The following ADAM32 variants were observed in gnomAD, a reference collection of about 807,000 sequenced individuals.
The protein encoded by ADAM32 is ADAM metallopeptidase domain 32, also known as disintegrin and metalloproteinase domain-containing protein 32.
Under a neutral mutation model 114.9 loss-of-function variants are expected in ADAM32, and 89 were observed. The ratio of observed to expected loss-of-function variants is 0.77; its 90% CI spans 0.65 to 0.92. The LOEUF (loss-of-function observed/expected upper bound fraction) is 0.92, where lower values mean the gene tolerates loss of function less well. ADAM32 is among the 40% of genes least tolerant of loss of function. ADAM32 has a pLI of 0.00. For missense variants in ADAM32, 870 were observed against 932.8 expected (o/e 0.93, Z 0.88); for synonymous variants, 285 against 307.5 (o/e 0.93, Z 0.77).
In ADAM32 at chr8:39,214,529, C is replaced by A. The variant is rs779515509; in HGVS notation, c.1233+3205C>A. ...TCAGACATTTTGCCCACCTTTAAAT[C>A]AGATTATTAGATTTTTTCCTATAGA... On this transcript the variant is annotated intron_variant, in intron 12 of 24. Transcript: ENST00000379907. 2.5e-4 allele frequency among the ~76,000 whole-genome samples: 38 copies of A among 152,046 alleles called. 1 individual carries two copies. The highest frequency in any genetic ancestry group is 1.9e-3 in the South Asian group (9 of 4,820).
At chr8:39,156,553 T>C (rs2129445787) in intron 6 of ADAM32, among the ~76,000 whole-genome samples, 1 of 152,348 alleles carries the variant, frequency 6.6e-6, no homozygotes, top group South Asian at 2.1e-4. Flanking sequence ...ACTGAAGGAC[T>C]ACCTTTGGCA....
rs777909814 is a variant in ADAM32, at chr8:39,274,321, A to G, written c.2211A>G (p.Ser737=). Residue 737 remains serine (S), a synonymous_variant, in exon 21 of 25, where the codon TCA becomes TCG. Transcript: ENST00000379907. ...STQTYASQSS[S]EGSTQTYASQ... is the part of the protein sequence containing the mutation. ...TTCAATTTTTTTTTAGATCCAGCTC[A>G]GAAGGCAGCACTCAGACATATGCCA... The G allele has an allele frequency of 9.9e-6, 16 of 1,613,396 alleles. No homozygotes were observed. Among genetic ancestry groups the G allele is most frequent in the Admixed American group, 5.0e-5 (3 of 60,016 alleles).
intron 1 of ADAM32, among the ~76,000 whole-genome samples, chr8:39,110,979 A>G (rs921525827): frequency 8.5e-5 from 13 of 152,228 alleles, no homozygotes; most frequent in African/African-American, 3.1e-4. Context: ...TATTTCGTAT[A>G]AATGGAATCA....
chr8:39,169,409 ATTAG>A (rs1204008233), intron 9 of ADAM32: 3 of 152,346 alleles, frequency 2.0e-5, no homozygotes, highest in African/African-American at 7.2e-5. Context: ...TGTTAAATGG[ATTAG>A]TTAATGTAAA....
chr8:39,250,174 A>T (rs903885241), intron 17 of ADAM32, among the ~76,000 whole-genome samples: 1 of 151,416 alleles, frequency 6.6e-6, no homozygotes, highest in African/African-American at 2.4e-5. Flanking sequence ...CTTCTATTCC[A>T]TTCTTTTTTG....
intron 5 of ADAM32, 85 bp from the exon 6 acceptor site, chr8:39,151,292 T>C: frequency 1.7e-6 from 2 of 1,207,534 alleles, no homozygotes; most frequent in Non-Finnish European, 2.2e-6. Context: ...CAAAACGTTT[T>C]ATTTTTTTTT....
At chr8:39,154,191 C>A (rs1332949188) in intron 6 of ADAM32, among the ~76,000 whole-genome samples, 1 of 151,884 alleles carries the variant, frequency 6.6e-6, no homozygotes, top group South Asian at 2.1e-4. Flanking sequence ...CCTCCCCTAC[C>A]CCCCATCTCC....
intron 17 of ADAM32, among the ~76,000 whole-genome samples, chr8:39,246,463 G>A (rs766048067): frequency 6.6e-6 from 1 of 152,168 alleles, no homozygotes; most frequent in African/African-American, 2.4e-5. Context: ...AGATAATTAT[G>A]CTGTAATTCC....
chr8:39,169,030 G>T (rs979046332), intron 9 of ADAM32: 3 of 152,146 alleles, frequency 2.0e-5, no homozygotes, highest in South Asian at 2.1e-4. Flanking sequence ...ATGCTGGAAG[G>T]GTTAGGTATA....
intron 11 of ADAM32, among the ~76,000 whole-genome samples, chr8:39,201,612 C>T (rs1056782549): frequency 1.3e-5 from 2 of 152,112 alleles, no homozygotes; most frequent in Admixed American, 1.3e-4. Context: ...AATTGAATAC[C>T]CTTTATTTCT....
intron 10 of ADAM32, among the ~76,000 whole-genome samples, chr8:39,183,275 C>A (rs1374391929): frequency 1.3e-5 from 2 of 152,110 alleles, no homozygotes; most frequent in African/African-American, 4.8e-5. Context: ...TCCAACTGAC[C>A]CAGATGGCTT....
At chr8:39,283,773 T>A in intron 24 of ADAM32, 149 bp downstream of exon 24, 11 of 315,274 alleles carry the variant, frequency 3.5e-5, no homozygotes, top group East Asian at 2.3e-4. Flanking sequence ...CTTTTATTCT[T>A]TTTTTTTTTT....
intron 11 of ADAM32, among the ~76,000 whole-genome samples, chr8:39,206,072 A>C (rs910867353): frequency 6.6e-6 from 1 of 152,162 alleles, no homozygotes; most frequent in Non-Finnish European, 1.5e-5. Flanking sequence ...TTATAGTATT[A>C]GTTGGATAGG....
At chr8:39,186,579 G>C (rs182732175) in intron 10 of ADAM32, among the ~76,000 whole-genome samples, 13 of 152,280 alleles carry the variant, frequency 8.5e-5, no homozygotes, top group Admixed American at 8.5e-4. Context: ...TAAAAAGTTA[G>C]ATGAGTTGAA....
chr8:39,186,788 T>G, intron 10 of ADAM32, 121 bp from the exon 11 acceptor site: 1 of 821,788 alleles, frequency 1.2e-6, no homozygotes, highest in Non-Finnish European at 1.8e-6. Context: ...TGTTCAAGGA[T>G]CCATATCTCC....
At chr8:39,186,805 C>A (rs1320883705) in intron 10 of ADAM32, 104 bp from the exon 11 acceptor site, 5 of 1,016,038 alleles carry the variant, frequency 4.9e-6, no homozygotes, top group Non-Finnish European at 6.9e-6. Context: ...CTCCCTAATT[C>A]TTTAGCATTT....
rs563618862 is a variant in ADAM32 at position 39,266,592 on chromosome 8, G to A, written c.2163-4284G>A. ...TGCTGTGTTCCTTGGCTTGAGTTTCGACCTTCTGTATGTCGATGAGCTTCC... is the reference window on the plus strand; with the variant it reads ...TGCTGTGTTCCTTGGCTTGAGTTTCAACCTTCTGTATGTCGATGAGCTTCC... On this transcript the variant is annotated intron_variant, in intron 19 of 24. Coordinates refer to ENST00000379907, the MANE Select transcript of ADAM32 (RefSeq NM_145004.7). 1.4e-4 allele frequency among the ~76,000 whole-genome samples: 21 copies of A among 152,112 alleles called. 1 individual carries two copies. The South Asian group carries it at 2.3e-3, about 17-fold the overall frequency.
intron 19 of ADAM32, among the ~76,000 whole-genome samples, chr8:39,268,529 G>T (rs1035499964): frequency 3.3e-5 from 5 of 152,124 alleles, no homozygotes; most frequent in Non-Finnish European, 7.4e-5. Flanking sequence ...TTGCAAACAT[G>T]TTATCTCAGT....
intron 19 of ADAM32, 75 bp from the exon 20 acceptor site, chr8:39,270,801 A>G: frequency 8.5e-7 from 1 of 1,171,066 alleles, no homozygotes; most frequent in Non-Finnish European, 1.2e-6. Context: ...CTGATTATAA[A>G]ATGGACTGAT....
Sources: allele counts gnomAD v4.1 joint callset (sites outside exome capture counted in the v4.1 genomes callset), GRCh38; gene constraint gnomAD v4.1.1; transcripts MANE v1.5; gene names NCBI Gene and HGNC (gene_info 2026-07-23, HGNC 2026-07-21).